Variants in TTC29 observed in about 807,000 individuals in gnomAD.
The protein encoded by TTC29 is tetratricopeptide repeat domain 29.
A neutral mutation model predicts 58.1 loss-of-function variants in TTC29; 49 were observed. The observed-to-expected ratio is 0.84, with a 90% CI of 0.67 to 1.07. The LOEUF is 1.07. Ranked by LOEUF, TTC29 falls within the 50% of genes least tolerant of loss-of-function variation. TTC29 has a pLI of 0.00. For missense variants in TTC29, 582 were observed against 555.6 expected (o/e 1.05, Z -0.48); for synonymous variants, 209 against 196.8 (o/e 1.06, Z -0.52).
intron 7 of TTC29, among the ~76,000 whole-genome samples, chr4:146,873,666 G>T (rs906398812): frequency 1.3e-5 from 2 of 152,162 alleles, no homozygotes; most frequent in African/African-American, 4.8e-5. Context: ...TTACCCCTTT[G>T]GGGGAAGGTA....
chr4:146,798,731 G>A (rs1479516206), intron 11 of TTC29, among the ~76,000 whole-genome samples: 2 of 150,976 alleles, frequency 1.3e-5, no homozygotes, highest in Non-Finnish European at 3.0e-5. Flanking sequence ...ACTAAAAATA[G>A]AAAAAATTAG....
chr4:146,940,431 T>C (rs897945872), intron 2 of TTC29, among the ~76,000 whole-genome samples: 2 of 152,190 alleles, frequency 1.3e-5, no homozygotes, highest in African/African-American at 4.8e-5. Context: ...CACACAGCCA[T>C]AACAATATAA....
intron 6 of TTC29, among the ~76,000 whole-genome samples, chr4:146,881,312 C>A (rs1049947835): frequency 1.3e-5 from 2 of 152,076 alleles, no homozygotes; most frequent in African/African-American, 4.8e-5. Flanking sequence ...TTTGACAGAT[C>A]CATAAGACCT....
intron 11 of TTC29, among the ~76,000 whole-genome samples, chr4:146,797,282 A>G (rs1321782281): frequency 6.6e-6 from 1 of 152,194 alleles, no homozygotes; most frequent in African/African-American, 2.4e-5. Flanking sequence ...GCATTAACCA[A>G]TTATTTTTAA....
intron 8 of TTC29, among the ~76,000 whole-genome samples, chr4:146,856,723 A>G (rs1197128801): frequency 6.6e-6 from 1 of 150,774 alleles, no homozygotes; most frequent in Non-Finnish European, 1.5e-5. Flanking sequence ...ATGTAAAAAA[A>G]CTAGAGACAT....
At chr4:146,931,590 T>G (rs1292424051) in intron 4 of TTC29, among the ~76,000 whole-genome samples, 1 of 152,136 alleles carries the variant, frequency 6.6e-6, no homozygotes, top group Non-Finnish European at 1.5e-5. Context: ...CAAAGCCAAG[T>G]TTTCAACCAC....
At chr4:146,888,400 C>T (rs951479719) in intron 6 of TTC29, among the ~76,000 whole-genome samples, 1 of 152,116 alleles carries the variant, frequency 6.6e-6, no homozygotes, top group Non-Finnish European at 1.5e-5. Flanking sequence ...CATGGAGCTT[C>T]TCACCCCTGC....
At chr4:146,753,659 G>A (rs1217100423) in intron 11 of TTC29, among the ~76,000 whole-genome samples, 1 of 152,110 alleles carries the variant, frequency 6.6e-6, no homozygotes, top group Non-Finnish European at 1.5e-5. Context: ...CAACCCAAAT[G>A]TCCAACAATG....
intron 2 of TTC29, chr4:146,943,021 TA>T (rs1736557780): frequency 6.1e-6 from 1 of 164,180 alleles, no homozygotes; most frequent in African/African-American, 2.4e-5. Flanking sequence ...AAAGTTGGCA[TA>T]CCAGCATGTT....
chr4:146,770,716 T>C lies in TTC29; in HGVS notation c.1330+32741A>G, dbSNP rs188167734. 8.5e-5 allele frequency among the ~76,000 whole-genome samples: 13 copies of C among 152,136 alleles called. No homozygotes were observed. The East Asian group carries it at 2.5e-3, about 29-fold the overall frequency. On this transcript the variant is annotated intron_variant, in intron 11 of 12. Coordinates refer to ENST00000325106, the MANE Select transcript of TTC29 (RefSeq NM_031956.4). ...TGGGTTCAGATTCCAGCTATGTTAC[T>C]TACCAATGTGTCCCCTAATATCTCT...
intron 4 of TTC29, among the ~76,000 whole-genome samples, chr4:146,924,483 G>A (rs1734794453): frequency 6.6e-6 from 1 of 151,770 alleles, no homozygotes; most frequent in Admixed American, 6.6e-5. Flanking sequence ...GTGAACTTTG[G>A]CAGTGTCTTT....
intron 11 of TTC29, among the ~76,000 whole-genome samples, chr4:146,710,335 C>T (rs1742389370): frequency 6.6e-6 from 1 of 152,104 alleles, no homozygotes; most frequent in South Asian, 2.1e-4. Context: ...TATAGCTAAA[C>T]ATAGTAAAGG....
At chr4:146,795,006 A>G (rs1749741155) in intron 11 of TTC29, among the ~76,000 whole-genome samples, 1 of 152,156 alleles carries the variant, frequency 6.6e-6, no homozygotes, top group Non-Finnish European at 1.5e-5. Context: ...TAAGTGAACT[A>G]ACTTTAGTTT....
At chr4:146,824,501 G>T (rs1026949509) in intron 9 of TTC29, among the ~76,000 whole-genome samples, 4 of 152,128 alleles carry the variant, frequency 2.6e-5, no homozygotes, top group African/African-American at 9.7e-5. Context: ...GAATCAGTCT[G>T]CCAGTATTTT....
intron 6 of TTC29, 113 bp downstream of exon 6, chr4:146,903,431 A>G: frequency 1.0e-6 from 1 of 959,118 alleles, no homozygotes; most frequent in Non-Finnish European, 1.5e-6. Context: ...AATAATATAC[A>G]TGATTATGCT....
At chr4:146,742,700 TC>T (rs1301215889) in intron 11 of TTC29, among the ~76,000 whole-genome samples, 13 of 43,322 alleles carry the variant, frequency 3.0e-4, no homozygotes, top group Admixed American at 1.7e-3. Context: ...CTCCTCCCCC[TC>T]CCCCCTTCCC....
chr4:146,779,089 T>G (rs1214836761), intron 11 of TTC29, among the ~76,000 whole-genome samples: 1 of 151,316 alleles, frequency 6.6e-6, no homozygotes, highest in African/African-American at 2.4e-5. Context: ...AACTTAAATC[T>G]GAAGTATACT....
chr4:146,880,095 A>C (rs1394874752), intron 6 of TTC29, among the ~76,000 whole-genome samples: 1 of 152,180 alleles, frequency 6.6e-6, no homozygotes, highest in East Asian at 1.9e-4. Context: ...GGAAGAAAAT[A>C]GAGCCAAAAT....
At chr4:146,907,634 A>T (rs972345465) in intron 5 of TTC29, among the ~76,000 whole-genome samples, 16 of 152,148 alleles carry the variant, frequency 1.1e-4, no homozygotes, top group African/African-American at 2.9e-4. Flanking sequence ...AGTAGCTGGG[A>T]TTACAGGCGT....
Sources: gnomAD v4.1 joint callset for allele counts (sites outside exome capture counted in the v4.1 genomes callset) on GRCh38, gnomAD v4.1.1 for gene constraint, MANE v1.5 for transcripts, NCBI Gene and HGNC (gene_info 2026-07-23, HGNC 2026-07-21) for gene names.